The following GRIA3 variants were observed in gnomAD, a reference collection of about 807,000 sequenced individuals.
The protein encoded by GRIA3 is glutamate receptor 3.
Under a neutral mutation model 63.0 loss-of-function variants are expected in GRIA3, and 3 were observed. The ratio of observed to expected loss-of-function variants is 0.05; its 90% CI spans 0.02 to 0.12. The LOEUF is 0.12. Among genes scored for constraint, GRIA3 ranks in the 10% least tolerant of loss-of-function variants. GRIA3 has a pLI of 1.00. For missense variants in GRIA3, 347 were observed against 700.9 expected, an observed-to-expected ratio of 0.50 and a Z score of 5.70; for synonymous variants, 274 against 257.9, an observed-to-expected ratio of 1.06 and a Z score of -0.60.
intron 5 of GRIA3, among the ~76,000 whole-genome samples, chrX:123,376,898 CTCT>C (rs1452774191): frequency 9.3e-6 from 1 of 107,375 alleles, no homozygotes; most frequent in Non-Finnish European, 1.9e-5. Context: ...CCTAATATTC[CTCT>C]TCTTATCACT....
chrX:123,274,444 A>G (rs1010217830), intron 3 of GRIA3, among the ~76,000 whole-genome samples: 1 of 112,020 alleles, frequency 8.9e-6, no homozygotes, highest in African/African-American at 3.2e-5. Flanking sequence ...GTATCCCATC[A>G]TGAGACTGGT....
intron 2 of GRIA3, among the ~76,000 whole-genome samples, chrX:123,203,791 G>T (rs917019214): frequency 3.6e-5 from 4 of 112,031 alleles, no homozygotes; most frequent in Non-Finnish European, 5.6e-5. Context: ...CATTGTATGG[G>T]CTTTAAAGCT....
chrX:123,287,737 T>C (rs2044629670), intron 3 of GRIA3, among the ~76,000 whole-genome samples: 1 of 111,564 alleles, frequency 9.0e-6, no homozygotes, highest in Non-Finnish European at 1.9e-5. Flanking sequence ...CAGGGACAAC[T>C]ACAAACCACT....
intron 3 of GRIA3, among the ~76,000 whole-genome samples, chrX:123,307,350 G>C (rs1312809580): frequency 8.9e-6 from 1 of 112,074 alleles, no homozygotes; most frequent in East Asian, 2.8e-4. Context: ...GATGATAATA[G>C]GAGATAACAT....
At chrX:123,418,969 T>C (rs767101843) in intron 11 of GRIA3, among the ~76,000 whole-genome samples, 1 of 112,649 alleles carries the variant, frequency 8.9e-6, no homozygotes, top group Non-Finnish European at 1.9e-5. Flanking sequence ...AGTAACTTTA[T>C]AATATTAAAA....
chrX:123,423,954 A>G (rs773074610), intron 11 of GRIA3, among the ~76,000 whole-genome samples: 1 of 111,773 alleles, frequency 8.9e-6, no homozygotes, highest in Non-Finnish European at 1.9e-5. Flanking sequence ...TGCTTTTTAT[A>G]TGTCTGTTTT....
intron 12 of GRIA3, among the ~76,000 whole-genome samples, chrX:123,428,740 C>T (rs1253186263): frequency 9.0e-6 from 1 of 111,402 alleles, no homozygotes; most frequent in Non-Finnish European, 1.9e-5. Flanking sequence ...TCCTCATAGG[C>T]AAAATCTTAT....
At chrX:123,424,762 G>T (rs1189951534) in intron 11 of GRIA3, among the ~76,000 whole-genome samples, 2 of 111,692 alleles carry the variant, frequency 1.8e-5, no homozygotes, top group African/African-American at 6.5e-5. Flanking sequence ...ACCACATGAT[G>T]ATCTGAGTCA....
intron 5 of GRIA3, among the ~76,000 whole-genome samples, chrX:123,382,050 C>T (rs1203903128): frequency 8.9e-6 from 1 of 112,279 alleles, no homozygotes; most frequent in Non-Finnish European, 1.9e-5. Flanking sequence ...ACAAACAAGT[C>T]ATAGAATCTG....
At chrX:123,482,731 T>C in intron 14 of GRIA3, 68 bp from the exon 15 acceptor site, 2 of 1,107,135 alleles carry the variant, frequency 1.8e-6, no homozygotes, top group Non-Finnish European at 2.5e-6. Context: ...TGTACTGTTG[T>C]AATATATTAT....
At chrX:123,487,504 C>T (rs1398704624) in intron 15 of GRIA3, among the ~76,000 whole-genome samples, 10 of 111,095 alleles carry the variant, frequency 9.0e-5, no homozygotes, top group East Asian at 2.8e-4. Context: ...AAAGAATTCA[C>T]GTTATGTTAA....
At chrX:123,341,152 T>A (rs763464196) in intron 4 of GRIA3, among the ~76,000 whole-genome samples, 1 of 111,744 alleles carries the variant, frequency 8.9e-6, no homozygotes, top group Admixed American at 9.5e-5. Context: ...AGGTTGTAAA[T>A]GTCTGTTTTC....
intron 4 of GRIA3, among the ~76,000 whole-genome samples, chrX:123,337,202 C>T (rs2044979828): frequency 8.9e-6 from 1 of 111,756 alleles, no homozygotes; most frequent in Non-Finnish European, 1.9e-5. Context: ...CGTTACTTCA[C>T]TATGATCACC....
intron 3 of GRIA3, among the ~76,000 whole-genome samples, chrX:123,321,983 G>A (rs2044870866): frequency 9.0e-6 from 1 of 111,073 alleles, no homozygotes; most frequent in South Asian, 3.9e-4. Context: ...TGGGGCAATC[G>A]GTCATTGGAT....
chrX:123,248,163 C>T (rs2044369589), intron 2 of GRIA3, among the ~76,000 whole-genome samples: 1 of 112,496 alleles, frequency 8.9e-6, no homozygotes, highest in Admixed American at 9.4e-5. Flanking sequence ...CAGTTATTGT[C>T]ATTATCCCAA....
intron 3 of GRIA3, among the ~76,000 whole-genome samples, chrX:123,284,601 C>T (rs922093698): frequency 9.1e-6 from 1 of 110,362 alleles, no homozygotes; most frequent in Non-Finnish European, 1.9e-5. Context: ...CTTCATGGAG[C>T]ATACATAAGA....
chrX:123,389,997 C>T (rs774214889), intron 5 of GRIA3, among the ~76,000 whole-genome samples: 26 of 112,104 alleles, frequency 2.3e-4, no homozygotes, highest in South Asian at 1.1e-3. Context: ...TGAGCCACCG[C>T]GCCTGGCCCA....
intron 5 of GRIA3, among the ~76,000 whole-genome samples, chrX:123,356,733 G>A (rs923687668): frequency 3.6e-5 from 4 of 111,522 alleles, no homozygotes; most frequent in Non-Finnish European, 7.5e-5. Context: ...ACATTGAACT[G>A]GGGATCAGAA....
chrX:123,473,440 G>A (rs1009550001), intron 13 of GRIA3, among the ~76,000 whole-genome samples: 1 of 111,869 alleles, frequency 8.9e-6, no homozygotes, highest in African/African-American at 3.2e-5. Flanking sequence ...GCTAAATAAA[G>A]CAAGACCAAC....
Sources: allele counts gnomAD v4.1 joint callset (sites outside exome capture counted in the v4.1 genomes callset), GRCh38; gene constraint gnomAD v4.1.1; transcripts MANE v1.5; gene names NCBI Gene and HGNC (gene_info 2026-07-23, HGNC 2026-07-21).